The following HMGCLL1 variants were observed in gnomAD, a reference collection of about 807,000 sequenced individuals.
HMGCLL1 encodes the protein 3-hydroxy-3-methylglutaryl-CoA lyase like 1.
In HMGCLL1, 36 loss-of-function variants were observed where a neutral mutation model predicts 39.1. The ratio of observed to expected loss-of-function variants is 0.92; its 90% CI spans 0.71 to 1.22. The LOEUF (loss-of-function observed/expected upper bound fraction) is 1.22, where lower values mean the gene tolerates loss of function less well. HMGCLL1 is among the 50% of genes most tolerant of loss of function. The pLI is 0.00. For synonymous variants in HMGCLL1, 149 were observed against 144.0 expected (o/e 1.03, Z -0.25); for missense variants, 451 against 416.5 (o/e 1.08, Z -0.72).
At chr6:55,647,764 ATT>A in the HMGCLL1 span, among the ~76,000 whole-genome samples, 3 of 76,144 alleles carry the variant, frequency 3.9e-5, no homozygotes, top group African/African-American at 1.6e-4. Context: ...TTTTTATTTT[ATT>A]TTATTTTTTT....
At chr6:55,609,131 C>G in the HMGCLL1 span, among the ~76,000 whole-genome samples, 1 of 152,220 alleles carries the variant, frequency 6.6e-6, no homozygotes, top group Non-Finnish European at 1.5e-5. Flanking sequence ...CTTGCAGATT[C>G]TCAGCCTCCT....
In HMGCLL1 at chr6:55,578,990, G is replaced by A. The variant is rs1211312684; in HGVS notation, c.66C>T (p.Leu22=). 6.2e-7 allele frequency: 1 copy of A among 1,613,808 alleles called. No homozygotes were observed. The highest frequency in any genetic ancestry group is 1.1e-5 in the South Asian group (1 of 90,960). The change falls in exon 1 of 9, where the codon CTC becomes CTT. Residue 22 remains leucine, a synonymous_variant. Transcript: ENST00000274901. The part of the protein sequence containing the change: ...LSYQQLLREH[L]WIGDSVAGAL... Reference sequence around the variant, plus strand: ...CCCCTGCCACTGAATCCCCGATCCAGAGATGCTCCCGGAGAAGCTGCTGGT... The same window carrying A: ...CCCCTGCCACTGAATCCCCGATCCAAAGATGCTCCCGGAGAAGCTGCTGGT...
intron 5 of HMGCLL1, among the ~76,000 whole-genome samples, chr6:55,505,172 G>A (rs1767088941): frequency 6.6e-6 from 1 of 151,598 alleles, no homozygotes; most frequent in Non-Finnish European, 1.5e-5. Context: ...ATTAAATCAT[G>A]AAAAAGAATC....
chr6:55,445,869 C>A (rs1240669000), intron 7 of HMGCLL1, among the ~76,000 whole-genome samples: 2 of 152,074 alleles, frequency 1.3e-5, no homozygotes, highest in Admixed American at 1.3e-4. Context: ...ACATTTACAA[C>A]CCCACTCACT....
At chr6:55,467,474 T>A (rs1017827617) in intron 7 of HMGCLL1, among the ~76,000 whole-genome samples, 1 of 152,018 alleles carries the variant, frequency 6.6e-6, no homozygotes, top group Non-Finnish European at 1.5e-5. Flanking sequence ...TATATACAGA[T>A]AAGAGCAAGA....
chr6:55,448,748 A>C lies in HMGCLL1; in HGVS notation c.796-9189T>G, dbSNP rs527513126. Among the ~76,000 whole-genome samples, 231 of 152,188 alleles carry C rather than the reference A, an allele frequency of 1.5e-3. 3 individuals carry two copies. The highest frequency in any genetic ancestry group is 2.3e-3 in the Admixed American group (35 of 15,266). ...TCTAACATCTTGGCATAAAATAATT[A>C]GACCAGTGCTCCTGAAACTGTAATG... On this transcript the variant is annotated intron_variant, in intron 7 of 8. Transcript: ENST00000274901.
the HMGCLL1 span, among the ~76,000 whole-genome samples, chr6:55,615,099 C>G: frequency 6.6e-6 from 1 of 152,104 alleles, no homozygotes; most frequent in Non-Finnish European, 1.5e-5. Flanking sequence ...TTTGGATTGG[C>G]ATTTAGTGTA....
chr6:55,484,053 C>T (rs1210054110), intron 7 of HMGCLL1, among the ~76,000 whole-genome samples: 1 of 151,964 alleles, frequency 6.6e-6, no homozygotes, highest in Non-Finnish European at 1.5e-5. Context: ...AAAATAAAGT[C>T]CAGTTGGGTT....
At chr6:55,533,292 C>T (rs913054097) in intron 3 of HMGCLL1, among the ~76,000 whole-genome samples, 13 of 151,494 alleles carry the variant, frequency 8.6e-5, no homozygotes, top group African/African-American at 2.9e-4. Flanking sequence ...AAAATATGTA[C>T]TATTATTATA....
rs913683918 is a variant in HMGCLL1, at chr6:55,544,395, T to C, written c.109-2255A>G. Among the ~76,000 whole-genome samples, 9 of 152,292 alleles carry C rather than the reference T, an allele frequency of 5.9e-5. No individual in the cohort carries two copies. In the South Asian group the frequency reaches 1.2e-3, roughly 21 times the overall value. On this transcript the variant is annotated intron_variant, in intron 1 of 8. Transcript: ENST00000274901. ...AGACTGTACCAACATAATCTCTTGG[T>C]ACCTCTGAGCCGAGTTAAGTTTGGG...
the HMGCLL1 span, among the ~76,000 whole-genome samples, chr6:55,608,720 A>G: frequency 6.6e-6 from 1 of 152,238 alleles, no homozygotes; most frequent in African/African-American, 2.4e-5. Context: ...GGCATTATAA[A>G]TCTACTTGAA....
chr6:55,448,036 G>T (rs1247311452), intron 7 of HMGCLL1, among the ~76,000 whole-genome samples: 1 of 152,066 alleles, frequency 6.6e-6, no homozygotes, highest in Non-Finnish European at 1.5e-5. Flanking sequence ...GAGACTTTCT[G>T]AAAAGTTTCC....
At chr6:55,448,330 A>G (rs1763942824) in intron 7 of HMGCLL1, among the ~76,000 whole-genome samples, 1 of 149,136 alleles carries the variant, frequency 6.7e-6, no homozygotes, top group Admixed American at 6.7e-5. Context: ...ACAAAAATAT[A>G]AATATATAAA....
the HMGCLL1 span, among the ~76,000 whole-genome samples, chr6:55,646,172 TATTGGC>T: frequency 6.6e-6 from 1 of 151,912 alleles, no homozygotes; most frequent in Non-Finnish European, 1.5e-5. Flanking sequence ...TATTCCAACT[TATTGGC>T]ATATAGTTAC....
chr6:55,645,813 G>T, the HMGCLL1 span, among the ~76,000 whole-genome samples: 6 of 151,482 alleles, frequency 4.0e-5, no homozygotes, highest in Non-Finnish European at 8.9e-5. Flanking sequence ...TTTTGTTTAG[G>T]ATTTTTGCAT....
chr6:55,663,006 T>G, the HMGCLL1 span, among the ~76,000 whole-genome samples: 1 of 151,742 alleles, frequency 6.6e-6, no homozygotes, highest in South Asian at 2.1e-4. Flanking sequence ...CTGATAGTTG[T>G]ATTTCTGTGA....
the HMGCLL1 span, among the ~76,000 whole-genome samples, chr6:55,676,782 G>T: frequency 6.6e-6 from 1 of 152,208 alleles, no homozygotes; most frequent in Non-Finnish European, 1.5e-5. Flanking sequence ...GTAATAGCTT[G>T]GTTTTAAGAA....
intron 7 of HMGCLL1, among the ~76,000 whole-genome samples, chr6:55,487,687 A>G (rs901635130): frequency 6.6e-6 from 1 of 152,058 alleles, no homozygotes; most frequent in Non-Finnish European, 1.5e-5. Flanking sequence ...TTCTTAATCC[A>G]GTCTATCATT....
intron 1 of HMGCLL1, among the ~76,000 whole-genome samples, chr6:55,576,667 G>T (rs899185545): frequency 1.3e-5 from 2 of 152,134 alleles, no homozygotes; most frequent in African/African-American, 4.8e-5. Flanking sequence ...TTGGTGCAAT[G>T]AAGTTGGAAA....
Sources: gnomAD v4.1 joint callset for allele counts (sites outside exome capture counted in the v4.1 genomes callset) on GRCh38, gnomAD v4.1.1 for gene constraint, MANE v1.5 for transcripts, NCBI Gene and HGNC (gene_info 2026-07-23, HGNC 2026-07-21) for gene names.